The following PCDHA8 variants were observed in gnomAD, a reference collection of about 807,000 sequenced individuals.
PCDHA8 encodes the protein protocadherin alpha 8.
Under a neutral mutation model 61.8 loss-of-function variants are expected in PCDHA8, and 53 were observed. The observed-to-expected ratio is 0.86, with a 90% CI of 0.69 to 1.08. PCDHA8 has a LOEUF of 1.08. Ranked by LOEUF, PCDHA8 falls within the 50% of genes least tolerant of loss-of-function variation. PCDHA8 has a pLI of 0.00. For missense variants in PCDHA8, 1,293 were observed against 1,245.0 expected, an observed-to-expected ratio of 1.04 and a Z score of -0.58; for synonymous variants, 618 against 556.6, an observed-to-expected ratio of 1.11 and a Z score of -1.55.
In PCDHA8 at chr5:140,877,367, G is replaced by C. The variant is rs201967192; in HGVS notation, c.2394+33652G>C. On this transcript the variant is annotated intron_variant, in intron 1 of 3. Transcript: ENST00000531613. ...GTGGGGCTGTACACTGGCGAGATCA[G>C]CACGACACGCATCCTGGATGAGGCG... is the stretch of plus-strand genomic sequence containing the variant. 1.0e-4 allele frequency: 167 copies of C among 1,614,018 alleles called. No homozygotes were observed. The highest frequency in any genetic ancestry group is 4.9e-4 in the Middle Eastern group (3 of 6,062).
At chr5:140,927,045 C>T (rs965998627) in intron 1 of PCDHA8, 8 of 1,612,136 alleles carry the variant, frequency 5.0e-6, no homozygotes, top group African/African-American at 1.3e-5. Flanking sequence ...CCGCTATGTC[C>T]TCGCGGAACT....
intron 1 of PCDHA8, chr5:140,871,252 T>A (rs782280300): frequency 2.5e-6 from 4 of 1,613,990 alleles, no homozygotes; most frequent in Non-Finnish European, 1.7e-6. Context: ...GCTGCTGCTG[T>A]ATACGGCGCT....
intron 1 of PCDHA8, among the ~76,000 whole-genome samples, chr5:140,846,656 G>C (rs1291638062): frequency 6.7e-6 from 1 of 149,228 alleles, no homozygotes; most frequent in East Asian, 1.9e-4. Context: ...TTACAGGCAT[G>C]AGCCACCGCG....
chr5:140,848,211 A>C, intron 1 of PCDHA8: 1 of 353,668 alleles, frequency 2.8e-6, no homozygotes, highest in South Asian at 5.2e-5. Context: ...TCATTACTTA[A>C]GAAAAAATTA....
intron 1 of PCDHA8, among the ~76,000 whole-genome samples, chr5:140,977,142 T>C (rs781987643): frequency 6.6e-6 from 1 of 152,236 alleles, no homozygotes; most frequent in Non-Finnish European, 1.5e-5. Context: ...TCAGTCCTGC[T>C]GGAACTGTGC....
At chr5:140,994,759 G>C (rs1193190612) in intron 3 of PCDHA8, among the ~76,000 whole-genome samples, 3 of 152,130 alleles carry the variant, frequency 2.0e-5, no homozygotes, top group African/African-American at 7.2e-5. Flanking sequence ...ATGTGGAGAG[G>C]AAGAGAATTC....
intron 1 of PCDHA8, among the ~76,000 whole-genome samples, chr5:140,905,999 G>T (rs781796509): frequency 1.3e-5 from 2 of 152,140 alleles, no homozygotes; most frequent in Non-Finnish European, 2.9e-5. Flanking sequence ...AGGCTGGGAG[G>T]CTAAGCCAGT....
intron 1 of PCDHA8, among the ~76,000 whole-genome samples, chr5:140,902,253 G>T (rs1170626795): frequency 1.4e-5 from 2 of 144,500 alleles, no homozygotes; most frequent in Non-Finnish European, 3.0e-5. Flanking sequence ...GCCCAGGCTG[G>T]TCTCGAACTC....
At chr5:140,988,267 C>T (rs1204961254) in intron 3 of PCDHA8, among the ~76,000 whole-genome samples, 1 of 152,146 alleles carries the variant, frequency 6.6e-6, no homozygotes, top group Non-Finnish European at 1.5e-5. Flanking sequence ...GAGTATCCTT[C>T]GCTGTCACCT....
At position 140,942,403 on chromosome 5, in the gene PCDHA8, T is replaced by A. The variant is rs184466711; in HGVS notation, c.2395-36546T>A. Among the ~76,000 whole-genome samples the A allele has an allele frequency of 2.8e-3, 421 of 151,284 alleles. 2 individuals are homozygous for A. The highest frequency in any genetic ancestry group is 0.014 in the Middle Eastern group (4 of 294). The stretch of plus-strand genomic sequence containing the variant: ...TTCCAGCCTGGGCGACAGATGAGAC[T>A]CTGTTTAAAAAAAAAAAAGATATCT... On this transcript the variant is annotated intron_variant, in intron 1 of 3. Transcript: ENST00000531613.
chr5:140,887,291 T>G (rs2153419358), intron 1 of PCDHA8, among the ~76,000 whole-genome samples: 1 of 152,074 alleles, frequency 6.6e-6, no homozygotes, highest in South Asian at 2.1e-4. Flanking sequence ...AGAGATGGGG[T>G]TTCATCTTGT....
At chr5:140,901,666 T>C (rs539450371) in intron 1 of PCDHA8, among the ~76,000 whole-genome samples, 12 of 152,346 alleles carry the variant, frequency 7.9e-5, no homozygotes, top group African/African-American at 2.6e-4. Context: ...TTGCTCAAGA[T>C]ACCTTTAGGT....
chr5:140,856,293 T>C, intron 1 of PCDHA8: 7 of 1,598,502 alleles, frequency 4.4e-6, no homozygotes, highest in Non-Finnish European at 6.0e-6. Context: ...CAGAATGGCA[T>C]TTTGTTTGTG....
rs781950915 is a variant in PCDHA8 at position 140,855,998 on chromosome 5, G to A, written c.2394+12283G>A. On this transcript the variant is annotated intron_variant, in intron 1 of 3. Coordinates refer to ENST00000531613, the MANE Select transcript of PCDHA8 (RefSeq NM_018911.3). ...TAGGACAGAAAATGTCAGATCGTAT[G>A]TGCGTTCTAGACCGCTGATTCGTCG... 3.7e-5 allele frequency: 56 copies of A among 1,511,288 alleles called. 3 individuals are homozygous for A. Among genetic ancestry groups the A allele is most frequent in the Non-Finnish European group, 4.9e-5 (55 of 1,120,558 alleles). 93.6% of individuals were successfully genotyped at this position (1,511,288 alleles called of 1,614,324 possible). A position where few individuals can be genotyped will look rare whatever the true frequency, so the allele number is the denominator to read the frequency against.
At chr5:140,973,400 A>G (rs2096585870) in intron 1 of PCDHA8, among the ~76,000 whole-genome samples, 1 of 152,244 alleles carries the variant, frequency 6.6e-6, no homozygotes, top group Non-Finnish European at 1.5e-5. Flanking sequence ...AATCATATCT[A>G]TGAGCTTCCA....
intron 3 of PCDHA8, among the ~76,000 whole-genome samples, chr5:140,983,126 G>A (rs1466016868): frequency 6.6e-6 from 1 of 152,206 alleles, no homozygotes; most frequent in African/African-American, 2.4e-5. Context: ...ACATTCTGCA[G>A]ACTGACTTTT....
intron 1 of PCDHA8, among the ~76,000 whole-genome samples, chr5:140,950,428 T>G (rs408652): frequency 0.56 from 85,077 of 151,214 alleles, 24,477 homozygotes; most frequent in African/African-American, 0.69. Context: ...TTTCTTCCAC[T>G]TAAAAAAAAT....
chr5:140,972,854 G>A (rs895738831), intron 1 of PCDHA8, among the ~76,000 whole-genome samples: 4 of 151,946 alleles, frequency 2.6e-5, no homozygotes, highest in Non-Finnish European at 4.4e-5. Flanking sequence ...AGTAGAGATG[G>A]GGTTTCATCA....
At chr5:140,975,940 G>A (rs562983011) in intron 1 of PCDHA8, among the ~76,000 whole-genome samples, 1 of 152,216 alleles carries the variant, frequency 6.6e-6, no homozygotes, top group Admixed American at 6.5e-5. Flanking sequence ...TGAAGCAATA[G>A]GACATATTAG....
Sources: allele counts gnomAD v4.1 joint callset (sites outside exome capture counted in the v4.1 genomes callset), GRCh38; gene constraint gnomAD v4.1.1; transcripts MANE v1.5; gene names NCBI Gene and HGNC (gene_info 2026-07-23, HGNC 2026-07-21).